ZNF592: variants seen among roughly 807,000 people sequenced by gnomAD.
The protein encoded by ZNF592 is zinc finger protein 592, also known as spinocerebellar ataxia, autosomal recessive 5.
Under a neutral mutation model 80.3 loss-of-function variants are expected in ZNF592, and 11 were observed. That is an observed-to-expected ratio of 0.14 (90% CI 0.09 to 0.23). ZNF592 has a LOEUF of 0.23. Ranked by LOEUF, ZNF592 falls within the 10% of genes least tolerant of loss-of-function variation. The pLI, the probability that ZNF592 is intolerant of heterozygous loss-of-function variation, is 1.00. For missense variants in ZNF592, 1,420 were observed against 1,633.9 expected, an observed-to-expected ratio of 0.87 and a Z score of 2.26; for synonymous variants, 646 against 640.3, an observed-to-expected ratio of 1.01 and a Z score of -0.13.
Position 84,783,566 on chromosome 15 carries a change from T to C in ZNF592, c.891T>C (p.Ala297=). 1 of 1,614,202 alleles carries C rather than the reference T, an allele frequency of 6.2e-7. No homozygotes were observed. The highest frequency in any genetic ancestry group is 8.5e-7 in the Non-Finnish European group (1 of 1,180,040). ...TGGCCTTGCAGGCCAAAAGAGTGGC[T>C]AGTGTCACTAAGGAGGATCAGCCTG... ...ALVALQAKRV[A]SVTKEDQPGH... Residue 297 remains alanine (A), a synonymous_variant, in exon 4 of 11, where the codon GCT becomes GCC. Transcript: ENST00000560079. The surrounding 1 kb of genome is among the most constrained non-coding windows in gnomAD (Gnocchi z 5.0).
chr15:84,779,651 C>G lies in ZNF592; in HGVS notation c.-20+1339C>G, dbSNP rs538644702. On this transcript the variant is annotated intron_variant, in intron 3 of 10. Coordinates refer to ENST00000560079, the MANE Select transcript of ZNF592 (RefSeq NM_014630.3). ...ACAGGTGTGAGCTACTGTGCCTGACCTAAAATCTCTATAAAAGTTTTTTTT... is the reference window on the plus strand; with the variant it reads ...ACAGGTGTGAGCTACTGTGCCTGACGTAAAATCTCTATAAAAGTTTTTTTT... Among the ~76,000 whole-genome samples, 30 of 152,188 alleles carry G rather than the reference C, an allele frequency of 2.0e-4. No homozygotes were observed. In the East Asian group the frequency reaches 5.6e-3, roughly 28 times the overall value.
At chr15:84,773,674 T>C (rs561473871) in intron 2 of ZNF592, among the ~76,000 whole-genome samples, 2 of 152,244 alleles carry the variant, frequency 1.3e-5, no homozygotes, top group East Asian at 1.9e-4. Flanking sequence ...TCTAGTATTA[T>C]GAGGTTTGAT....
At chr15:84,793,669 A>G (rs1377371246) in intron 5 of ZNF592, among the ~76,000 whole-genome samples, 1 of 152,220 alleles carries the variant, frequency 6.6e-6, no homozygotes, top group Non-Finnish European at 1.5e-5. Flanking sequence ...CTATCCAAGA[A>G]GAAACCTCAT....
chr15:84,751,344 G>T (rs1403338607), intron 1 of ZNF592, among the ~76,000 whole-genome samples: 1 of 152,218 alleles, frequency 6.6e-6, no homozygotes, highest in Non-Finnish European at 1.5e-5. Flanking sequence ...ACATAGCCTG[G>T]ATTCAAAGCA....
rs536427566 is a variant in ZNF592 at position 84,806,324 on chromosome 15, C to T, written c.*3931C>T. 7 of 152,314 alleles carry T rather than the reference C, an allele frequency of 4.6e-5. No individual in the cohort carries two copies. In the South Asian group the frequency reaches 1.5e-3, roughly 32 times the overall value. 9.4% of individuals were successfully genotyped at this position (152,314 alleles called of 1,614,324 possible). ...CTGGAGGAAAAAGTTGAGACTAGGA[C>T]GCAGGTCCCAAGTATGGGATTTTTT... On this transcript the variant is annotated 3_prime_UTR_variant, in exon 11 of 11. Transcript: ENST00000560079.
chr15:84,767,170 TATTTTTAGTA>T (rs1395632641), intron 2 of ZNF592, among the ~76,000 whole-genome samples: 1 of 152,124 alleles, frequency 6.6e-6, no homozygotes, highest in Non-Finnish European at 1.5e-5. Context: ...AATTTTTTTG[TATTTTTAGTA>T]ATTTTTTTGT....
In ZNF592 at chr15:84,798,189, G is replaced by A; in HGVS notation, c.2577-126G>A. 2 of 1,562,552 alleles carry A rather than the reference G, an allele frequency of 1.3e-6. No individual in the cohort carries two copies. The highest frequency in any genetic ancestry group is 2.2e-5 in the South Asian group (2 of 89,392). On this transcript the variant is annotated intron_variant, in intron 6 of 10. Transcript: ENST00000560079. The surrounding 1 kb of genome is among the most constrained non-coding windows in gnomAD (Gnocchi z 4.5). ...TCGTACTAAGGATGTCCTGAGGCAG[G>A]GGAGCATCCACATTGGCTCAGGGTA...
chr15:84,771,100 C>A (rs943966742), intron 2 of ZNF592, among the ~76,000 whole-genome samples: 1 of 151,980 alleles, frequency 6.6e-6, no homozygotes, highest in Non-Finnish European at 1.5e-5. Flanking sequence ...AACTCACCTG[C>A]CATGGGGAGC....
chr15:84,762,146 T>C (rs1899370842), intron 1 of ZNF592, among the ~76,000 whole-genome samples: 1 of 152,210 alleles, frequency 6.6e-6, no homozygotes, highest in Non-Finnish European at 1.5e-5. Context: ...CCAGGCACTA[T>C]TCTAGGCACT....
chr15:84,780,337 G>T (rs55646601), intron 3 of ZNF592, among the ~76,000 whole-genome samples: 78,665 of 151,960 alleles, frequency 0.52, 20,970 homozygotes, highest in East Asian at 0.79. Flanking sequence ...TTAAAAAGAA[G>T]CTTATAAAGC....
At chr15:84,765,137 T>C (rs1179328027) in intron 2 of ZNF592, among the ~76,000 whole-genome samples, 1 of 152,208 alleles carries the variant, frequency 6.6e-6, no homozygotes, top group Non-Finnish European at 1.5e-5. Context: ...ATTTGCCTAC[T>C]CTAGGGACCT....
chr15:84,772,569 A>G (rs1041293856), intron 2 of ZNF592, among the ~76,000 whole-genome samples: 8 of 152,160 alleles, frequency 5.3e-5, no homozygotes, highest in African/African-American at 1.9e-4. Context: ...AAATAAATAA[A>G]TAAAAACTCT....
chr15:84,772,930 T>A (rs1242558474), intron 2 of ZNF592, among the ~76,000 whole-genome samples: 1 of 152,210 alleles, frequency 6.6e-6, no homozygotes, highest in Non-Finnish European at 1.5e-5. Flanking sequence ...CTTTTATTAA[T>A]CTACTATTAC....
rs754881335 is a variant in ZNF592 at position 84,798,640 on chromosome 15, C to T, written c.2789C>T (p.Ser930Leu). ...NVDELSSLQS[S>L]ADTSSSRPGS... is the part of the protein sequence containing the mutation. Reference sequence around the variant, plus strand: ...GACGAGCTGTCAAGCCTCCAGTCTTCAGCGGACACATCCTCAAGCCGCCCT... The same window carrying T: ...GACGAGCTGTCAAGCCTCCAGTCTTTAGCGGACACATCCTCAAGCCGCCCT... Residue 930 changes from serine (S) to leucine (L), a missense_variant, in exon 8 of 11, where the codon TCA (serine) becomes TTA (leucine). Transcript: ENST00000560079. This position sits in a 1 kb window ranked among gnomAD's most constrained non-coding sequence, Gnocchi z 4.5. The T allele has an allele frequency of 1.2e-6, 2 of 1,614,058 alleles. No homozygotes were observed. The highest frequency in any genetic ancestry group is 1.1e-5 in the South Asian group (1 of 91,086).
chr15:84,780,964 G>A (rs1333379785), intron 3 of ZNF592, among the ~76,000 whole-genome samples: 3 of 152,052 alleles, frequency 2.0e-5, no homozygotes, highest in Non-Finnish European at 2.9e-5. Flanking sequence ...CAACATTTTT[G>A]TATTAGTCTT....
At chr15:84,771,061 A>G (rs565092578) in intron 2 of ZNF592, among the ~76,000 whole-genome samples, 1 of 152,232 alleles carries the variant, frequency 6.6e-6, no homozygotes, top group East Asian at 1.9e-4. Flanking sequence ...ACATCCAGGA[A>G]TGGCTCCGGG....
At chr15:84,772,416 G>A (rs1194173055) in intron 2 of ZNF592, among the ~76,000 whole-genome samples, 2 of 152,078 alleles carry the variant, frequency 1.3e-5, no homozygotes, top group African/African-American at 4.8e-5. Context: ...CAGGCGTGGT[G>A]GTGCACACCT....
rs146903614 is a variant in ZNF592, at chr15:84,799,107, C to T, written c.3034C>T (p.Arg1012Trp). Residue 1012 changes from arginine (R) to tryptophan (W), a missense_variant, in exon 9 of 11, where the codon CGG becomes TGG. By Grantham distance (101) the Arg-to-Trp change is moderately radical (BLOSUM62 -3). Coordinates refer to ENST00000560079, the MANE Select transcript of ZNF592 (RefSeq NM_014630.3). The surrounding 1 kb of genome is among the most constrained non-coding windows in gnomAD (Gnocchi z 4.2). ...MKKSHGRTLK[R>W]YPCRQCEQSF... ...CCACCTCCTTCCTTAGACATTGAAG[C>T]GGTACCCATGCCGGCAGTGTGAACA... 4 of 1,614,036 alleles carry T rather than the reference C, an allele frequency of 2.5e-6. No homozygotes were observed. In the African/African-American group the frequency reaches 4.0e-5, roughly 16 times the overall value.
At position 84,798,954 on chromosome 15, in the gene ZNF592, C is replaced by G. The variant is rs2141524653; in HGVS notation, c.3024+79C>G. 1 of 1,596,698 alleles carries G rather than the reference C, an allele frequency of 6.3e-7. No homozygotes were observed. The highest frequency in any genetic ancestry group is 1.3e-5 in the African/African-American group (1 of 74,844). The stretch of plus-strand genomic sequence containing the variant: ...TGTGAAGCCAGAACCCCTAGGGTTC[C>G]TGGTGCTTAGGGCAGGGTGGGTACC... On this transcript the variant is annotated intron_variant, in intron 8 of 10. Transcript: ENST00000560079. This position sits in a 1 kb window ranked among gnomAD's most constrained non-coding sequence, Gnocchi z 4.5.
Sources: gnomAD v4.1 joint callset for allele counts (sites outside exome capture counted in the v4.1 genomes callset) on GRCh38, gnomAD v4.1.1 for gene constraint, Gnocchi (gnomAD v3.1) non-coding constraint, MANE v1.5 for transcripts, NCBI Gene and HGNC (gene_info 2026-07-23, HGNC 2026-07-21) for gene names.